The following ANXA1 variants were observed in gnomAD, a reference collection of about 807,000 sequenced individuals.
The protein encoded by ANXA1 is annexin A1, also known as annexin I (lipocortin I).
Under a neutral mutation model 47.9 loss-of-function variants are expected in ANXA1, and 39 were observed. The observed-to-expected ratio is 0.81, with a 90% CI of 0.63 to 1.06. The LOEUF is 1.06. Ranked by LOEUF, ANXA1 falls within the 50% of genes least tolerant of loss-of-function variation. ANXA1 has a pLI of 0.00. For missense variants in ANXA1, 446 were observed against 422.7 expected (o/e 1.06, Z -0.48); for synonymous variants, 146 against 142.5 (o/e 1.02, Z -0.17).
At position 73,159,565 on chromosome 9, in the gene ANXA1, C is replaced by G. The variant is rs186022490; in HGVS notation, c.270+142C>G. 250 of 574,002 alleles carry G rather than the reference C, an allele frequency of 4.4e-4. 3 individuals are homozygous for G. In the Middle Eastern group the frequency reaches 7.7e-3, roughly 18 times the overall value. 35.6% of individuals were successfully genotyped at this position (574,002 alleles called of 1,614,324 possible). On this transcript the variant is annotated intron_variant, in intron 4 of 12. Coordinates refer to ENST00000257497, the MANE Select transcript of ANXA1 (RefSeq NM_000700.3). ...CTATGATTGGGATTGCAGTGTTTAT[C>G]CACTTTGTTGCAATTTAATCAATTT...
At chr9:73,157,197 A>C (rs1042127743) in intron 1 of ANXA1, among the ~76,000 whole-genome samples, 1 of 152,162 alleles carries the variant, frequency 6.6e-6, no homozygotes, top group African/African-American at 2.4e-5. Flanking sequence ...ATAGGAAGAA[A>C]TGTGAAGATA....
chr9:73,165,640 G>A (rs1824216414), intron 9 of ANXA1: 1 of 166,192 alleles, frequency 6.0e-6, no homozygotes, highest in Admixed American at 6.0e-5. Flanking sequence ...TGGCCTTTGA[G>A]TGCAAGATTT....
In ANXA1 at chr9:73,170,354, ATGTC is replaced by A; in HGVS notation, c.*249_*252del. 1 of 319,616 alleles carries A rather than the reference ATGTC, an allele frequency of 3.1e-6. No individual in the cohort carries two copies. Among genetic ancestry groups the A allele is most frequent in the East Asian group, 4.9e-5 (1 of 20,294 alleles). The allele number at this position is 319,616 out of a possible 1,614,324, so 19.8% of individuals were successfully genotyped here. The stretch of plus-strand genomic sequence containing the variant: ...GTTCTAGTAACAATACATGAGAAAG[ATGTC>A]TATGTAGCTGAAAATAAAATGACGT... On this transcript the variant is annotated 3_prime_UTR_variant, in exon 13 of 13. Coordinates refer to ENST00000257497, the MANE Select transcript of ANXA1 (RefSeq NM_000700.3).
rs1824164900 is a variant in ANXA1 at position 73,162,800 on chromosome 9, C to G, written c.494C>G (p.Ala165Gly). ...VYREELKRDL[A>G]KDITSDTSGD... ...TTCTCAGAACTGAAGAGAGATCTGG[C>G]CAAAGACATAACCTCAGACACATCT... Residue 165 changes from alanine (A) to glycine (G), a missense_variant, in exon 7 of 13, where the codon GCC becomes GGC. By Grantham distance (60) the Ala-to-Gly change is moderately conservative. Transcript: ENST00000257497. 3.1e-6 allele frequency: 5 copies of G among 1,612,798 alleles called. No homozygotes were observed. Among genetic ancestry groups the G allele is most frequent in the Non-Finnish European group, 4.2e-6 (5 of 1,179,230 alleles).
At chr9:73,164,347 A>G (rs1212229620) in intron 8 of ANXA1, among the ~76,000 whole-genome samples, 3 of 152,184 alleles carry the variant, frequency 2.0e-5, no homozygotes, top group Admixed American at 2.0e-4. Flanking sequence ...ATTTTTACAT[A>G]CATTGAAGGT....
At chr9:73,165,008 T>C in intron 8 of ANXA1, 108 bp from the exon 9 acceptor site, 1 of 779,488 alleles carries the variant, frequency 1.3e-6, no homozygotes, top group South Asian at 1.8e-5. Flanking sequence ...ACTCTGATTG[T>C]ATTGGGCACA....
At chr9:73,167,438 T>C in intron 10 of ANXA1, 59 bp from the exon 11 acceptor site, 2 of 1,490,046 alleles carry the variant, frequency 1.3e-6, no homozygotes, top group Non-Finnish European at 1.9e-6. Flanking sequence ...GTTTCTTTCA[T>C]ATGGATATTT....
chr9:73,164,567 A>G (rs1320908317), intron 8 of ANXA1, among the ~76,000 whole-genome samples: 1 of 152,126 alleles, frequency 6.6e-6, no homozygotes, highest in African/African-American at 2.4e-5. Flanking sequence ...TTTCAAAGTT[A>G]ATAAAGACCG....
In ANXA1 at chr9:73,170,110, A is replaced by G; in HGVS notation, c.*3A>G. On this transcript the variant is annotated 3_prime_UTR_variant, in exon 13 of 13. Coordinates refer to ENST00000257497, the MANE Select transcript of ANXA1 (RefSeq NM_000700.3). ...TGGCTCTTTGTGGAGGAAACTAAAC[A>G]TTCCCTTGATGGTCTCAAGCTATGA... The G allele has an allele frequency of 6.2e-7, 1 of 1,603,096 alleles. No individual in the cohort carries two copies. The highest frequency in any genetic ancestry group is 8.5e-7 in the Non-Finnish European group (1 of 1,173,556).
At position 73,160,823 on chromosome 9, in the gene ANXA1, T is replaced by C; in HGVS notation, c.405T>C (p.Asp135=). ...TTTAGGGCCTTGGAACTGATGAAGA[T>C]ACTCTAATTGAGATTTTGGCATCAA... ...AAMKGLGTDE[D]TLIEILASRT... is the part of the protein sequence containing the mutation. The change falls in exon 6 of 13, where the codon GAT becomes GAC. Residue 135 remains aspartate, a synonymous_variant. Coordinates refer to ENST00000257497, the MANE Select transcript of ANXA1 (RefSeq NM_000700.3). 1 of 1,612,370 alleles carries C rather than the reference T, an allele frequency of 6.2e-7. No homozygotes were observed. The highest frequency in any genetic ancestry group is 8.5e-7 in the Non-Finnish European group (1 of 1,178,680).
chr9:73,163,570 T>C (rs776844940), intron 8 of ANXA1, 38 bp downstream of exon 8: 1 of 1,606,328 alleles, frequency 6.2e-7, no homozygotes, highest in Non-Finnish European at 8.5e-7. Context: ...GCAGTTCATC[T>C]TCCTACCTTA....
intron 10 of ANXA1, 85 bp downstream of exon 10, chr9:73,166,277 C>A: frequency 1.1e-6 from 1 of 946,896 alleles, no homozygotes; most frequent in South Asian, 1.6e-5. Context: ...ACAACAGCAA[C>A]AAAACCAATA....
chr9:73,167,480 A>C lies in ANXA1; in HGVS notation c.803-17A>C, dbSNP rs760658757. On this transcript the variant is annotated splice_polypyrimidine_tract_variant and intron_variant, in intron 10 of 12. Transcript: ENST00000257497. ...TTTCATGGTAAATACATCAACTAAAATTTTCTTCTCTAACAGTGAAGTGCG... is the reference window on the plus strand; with the variant it reads ...TTTCATGGTAAATACATCAACTAAACTTTTCTTCTCTAACAGTGAAGTGCG... 6.2e-7 allele frequency: 1 copy of C among 1,607,818 alleles called. No individual in the cohort carries two copies. Among genetic ancestry groups the C allele is most frequent in the Non-Finnish European group, 8.5e-7 (1 of 1,177,656 alleles).
chr9:73,153,609 G>A (rs2118127978), intron 1 of ANXA1, among the ~76,000 whole-genome samples: 1 of 152,202 alleles, frequency 6.6e-6, no homozygotes, highest in South Asian at 2.1e-4. Context: ...TTTTCTTGAG[G>A]TCAGATCGCC....
intron 6 of ANXA1, among the ~76,000 whole-genome samples, chr9:73,161,105 C>T (rs1032845255): frequency 3.3e-5 from 5 of 152,090 alleles, no homozygotes; most frequent in Non-Finnish European, 5.9e-5. Context: ...TGTCCCAATC[C>T]GCATCAAGCT....
chr9:73,155,744 T>C (rs2118134675), intron 1 of ANXA1, among the ~76,000 whole-genome samples: 1 of 152,302 alleles, frequency 6.6e-6, no homozygotes, highest in African/African-American at 2.4e-5. Context: ...TTTTCTTTCC[T>C]AGATTATGCT....
chr9:73,164,856 A>G (rs1356884930), intron 8 of ANXA1, among the ~76,000 whole-genome samples: 1 of 152,130 alleles, frequency 6.6e-6, no homozygotes, highest in Non-Finnish European at 1.5e-5. Flanking sequence ...TCTTAAAGCA[A>G]TTTAGTTCAG....
chr9:73,166,848 C>T lies in ANXA1; in HGVS notation c.803-649C>T, dbSNP rs2795121. Reference sequence around the variant, plus strand: ...GCCAATGCTGTTGGTCCATAGATCTCGACAAGATGAAGAACACTATGAACT... The same window carrying T: ...GCCAATGCTGTTGGTCCATAGATCTTGACAAGATGAAGAACACTATGAACT... On this transcript the variant is annotated intron_variant, in intron 10 of 12. Coordinates refer to ENST00000257497, the MANE Select transcript of ANXA1 (RefSeq NM_000700.3). Among the ~76,000 whole-genome samples, 488 of 152,178 alleles carry T rather than the reference C, an allele frequency of 3.2e-3. 6 individuals are homozygous for T. The highest frequency in any genetic ancestry group is 0.011 in the African/African-American group (468 of 41,522).
intron 4 of ANXA1, 131 bp downstream of exon 4, chr9:73,159,554 G>T: frequency 1.5e-6 from 1 of 651,434 alleles, no homozygotes. Flanking sequence ...GATTGGGATT[G>T]CAGTGTTTAT....
Sources: allele counts gnomAD v4.1 joint callset (sites outside exome capture counted in the v4.1 genomes callset), GRCh38; gene constraint gnomAD v4.1.1; transcripts MANE v1.5; gene names NCBI Gene and HGNC (gene_info 2026-07-23, HGNC 2026-07-21).